HS6ST3: variants seen among roughly 807,000 people sequenced by gnomAD.
HS6ST3 encodes heparan sulfate 6-O-sulfotransferase 3.
A neutral mutation model predicts 36.7 loss-of-function variants in HS6ST3; 12 were observed. That is an observed-to-expected ratio of 0.33 (90% CI 0.21 to 0.53). HS6ST3 has a LOEUF of 0.53. HS6ST3 is among the 20% of genes least tolerant of loss of function. HS6ST3 has a pLI of 0.95. For synonymous variants in HS6ST3, 240 were observed against 257.5 expected, an observed-to-expected ratio of 0.93 and a Z score of 0.65; for missense variants, 584 against 640.9, an observed-to-expected ratio of 0.91 and a Z score of 0.96.
intron 1 of HS6ST3, among the ~76,000 whole-genome samples, chr13:96,325,730 A>C (rs1324712411): frequency 6.6e-6 from 1 of 152,158 alleles, no homozygotes; most frequent in Non-Finnish European, 1.5e-5. Flanking sequence ...TGGGACTATG[A>C]ATGGAGTCTG....
chr13:96,309,863 G>A (rs2054931755), intron 1 of HS6ST3, among the ~76,000 whole-genome samples: 1 of 152,064 alleles, frequency 6.6e-6, no homozygotes. Context: ...AACTTTACAT[G>A]AGAAGAATAT....
intron 1 of HS6ST3, among the ~76,000 whole-genome samples, chr13:96,355,421 A>G (rs9513123): frequency 0.88 from 131,256 of 149,250 alleles, 57,964 homozygotes; most frequent in African/African-American, 0.94. Context: ...AAACACACAC[A>G]CACAGAGGCA....
In HS6ST3 at chr13:96,237,633, A is replaced by G. The variant is rs79361213; in HGVS notation, c.707+146064A>G. ...GATCACTGTCTTTAAAAAATTGTCT[A>G]CGTGTGCTGTCTCTAATGCTTTACC... is the stretch of plus-strand genomic sequence containing the variant. On this transcript the variant is annotated intron_variant, in intron 1 of 1. Transcript: ENST00000376705. 9.9e-3 allele frequency among the ~76,000 whole-genome samples: 1,503 copies of G among 152,220 alleles called. 25 individuals are homozygous for G. Among genetic ancestry groups the G allele is most frequent in the African/African-American group, 0.035 (1,442 of 41,524 alleles).
At chr13:96,781,192 T>A (rs1877517064) in intron 1 of HS6ST3, among the ~76,000 whole-genome samples, 1 of 152,202 alleles carries the variant, frequency 6.6e-6, no homozygotes, top group Admixed American at 6.5e-5. Flanking sequence ...CATTTTGGAA[T>A]TTTCCTATTC....
intron 1 of HS6ST3, among the ~76,000 whole-genome samples, chr13:96,238,885 T>C (rs937285434): frequency 6.6e-5 from 10 of 152,208 alleles, no homozygotes; most frequent in African/African-American, 2.2e-4. Flanking sequence ...ATGATCCAGA[T>C]TGTAAGATGA....
chr13:96,545,516 G>A (rs1036332900), intron 1 of HS6ST3, among the ~76,000 whole-genome samples: 2 of 152,202 alleles, frequency 1.3e-5, no homozygotes, highest in African/African-American at 4.8e-5. Context: ...GTAACTCAGT[G>A]CTCTACTTCC....
At chr13:96,771,352 A>G (rs2138507431) in intron 1 of HS6ST3, among the ~76,000 whole-genome samples, 1 of 152,158 alleles carries the variant, frequency 6.6e-6, no homozygotes, top group East Asian at 1.9e-4. Context: ...GCACACCAAC[A>G]TGGCACATGT....
chr13:96,177,394 G>T (rs191198030), intron 1 of HS6ST3, among the ~76,000 whole-genome samples: 2 of 152,222 alleles, frequency 1.3e-5, no homozygotes, highest in East Asian at 1.9e-4. Context: ...ATGACAGATT[G>T]GATAAGGAAA....
intron 1 of HS6ST3, among the ~76,000 whole-genome samples, chr13:96,325,199 A>G (rs1222031938): frequency 2.0e-5 from 3 of 152,156 alleles, no homozygotes; most frequent in African/African-American, 7.2e-5. Context: ...TGTATTATTT[A>G]ATGCTATACT....
chr13:96,163,069 G>T (rs1032765214), intron 1 of HS6ST3, among the ~76,000 whole-genome samples: 1 of 152,044 alleles, frequency 6.6e-6, no homozygotes, highest in South Asian at 2.1e-4. Flanking sequence ...GATCATAGCT[G>T]CGAATTCTTA....
At chr13:96,144,169 T>C (rs2054045200) in intron 1 of HS6ST3, among the ~76,000 whole-genome samples, 1 of 152,188 alleles carries the variant, frequency 6.6e-6, no homozygotes, top group Non-Finnish European at 1.5e-5. Context: ...TTGGCAGAGT[T>C]ATGAGAATTA....
At chr13:96,394,675 A>C (rs2055412383) in intron 1 of HS6ST3, among the ~76,000 whole-genome samples, 1 of 152,220 alleles carries the variant, frequency 6.6e-6, no homozygotes, top group African/African-American at 2.4e-5. Flanking sequence ...ATTAACAATA[A>C]TCTTTGCAAT....
intron 1 of HS6ST3, among the ~76,000 whole-genome samples, chr13:96,344,471 C>A (rs985090999): frequency 2.6e-5 from 4 of 152,188 alleles, no homozygotes; most frequent in Non-Finnish European, 4.4e-5. Flanking sequence ...GCCAAACTTA[C>A]AATCTTTGTA....
chr13:96,145,403 A>G (rs987625812), intron 1 of HS6ST3, among the ~76,000 whole-genome samples: 2 of 151,924 alleles, frequency 1.3e-5, no homozygotes, highest in Admixed American at 1.3e-4. Context: ...TCTGATGGCC[A>G]GTGATGATGA....
chr13:96,648,323 C>T (rs140425235), intron 1 of HS6ST3, among the ~76,000 whole-genome samples: 1 of 152,022 alleles, frequency 6.6e-6, no homozygotes, highest in African/African-American at 2.4e-5. Flanking sequence ...TCTCTTATTC[C>T]CCTAGGGATG....
chr13:96,341,663 G>T (rs1265476238), intron 1 of HS6ST3, among the ~76,000 whole-genome samples: 1 of 152,146 alleles, frequency 6.6e-6, no homozygotes, highest in Non-Finnish European at 1.5e-5. Context: ...GTTTTGAAAA[G>T]ATATGGAGGG....
At chr13:96,363,529 A>G (rs1196130280) in intron 1 of HS6ST3, among the ~76,000 whole-genome samples, 2 of 152,148 alleles carry the variant, frequency 1.3e-5, no homozygotes, top group Non-Finnish European at 2.9e-5. Context: ...AGTGAAACCC[A>G]ATTGCTAAAT....
intron 1 of HS6ST3, among the ~76,000 whole-genome samples, chr13:96,116,114 A>G (rs775338532): frequency 1.3e-5 from 2 of 152,182 alleles, no homozygotes; most frequent in Admixed American, 6.5e-5. Flanking sequence ...AAACAAGACA[A>G]TAGAACAACA....
At chr13:96,803,674 T>C (rs1248900273) in intron 1 of HS6ST3, among the ~76,000 whole-genome samples, 2 of 152,178 alleles carry the variant, frequency 1.3e-5, no homozygotes, top group African/African-American at 2.4e-5. Flanking sequence ...CAGAATTTAT[T>C]TGTTTGCCTG....
Sources: gnomAD v4.1 joint callset for allele counts (sites outside exome capture counted in the v4.1 genomes callset) on GRCh38, gnomAD v4.1.1 for gene constraint, MANE v1.5 for transcripts, NCBI Gene and HGNC (gene_info 2026-07-23, HGNC 2026-07-21) for gene names.